The following ESR2 variants were observed in gnomAD, a reference collection of about 807,000 sequenced individuals.
ESR2 encodes the protein estrogen receptor beta.
A neutral mutation model predicts 49.6 loss-of-function variants in ESR2; 36 were observed. The observed-to-expected ratio is 0.73, with a 90% CI of 0.56 to 0.96. The LOEUF (loss-of-function observed/expected upper bound fraction) is 0.96. Among genes scored for constraint, ESR2 ranks in the 40% least tolerant of loss-of-function variants. The probability of loss-of-function intolerance (pLI) is 0.00; values close to 1 mark genes in which losing one functional copy is unlikely to be tolerated. For synonymous variants in ESR2, 320 were observed against 266.1 expected (o/e 1.20, Z -1.97); for missense variants, 714 against 693.0 (o/e 1.03, Z -0.34).
chr14:64,288,140 C>T (rs991169020), intron 1 of ESR2, among the ~76,000 whole-genome samples: 1 of 152,160 alleles, frequency 6.6e-6, no homozygotes, highest in African/African-American at 2.4e-5. Flanking sequence ...GTATTTGGCC[C>T]TCTCAGGTCA....
intron 4 of ESR2, among the ~76,000 whole-genome samples, chr14:64,262,095 T>C (rs186031454): frequency 1.1e-3 from 173 of 151,730 alleles, no homozygotes; most frequent in African/African-American, 3.9e-3. Flanking sequence ...TTTATATGCT[T>C]GTTCTTTGGA....
intron 1 of ESR2, among the ~76,000 whole-genome samples, chr14:64,313,889 A>AAAG (rs1555596277): frequency 5.9e-5 from 9 of 151,848 alleles, no homozygotes; most frequent in African/African-American, 1.7e-4. Flanking sequence ...AAAAAAAAAA[A>AAAG]AAAGAAAGAA....
intron 1 of ESR2, 110 bp from the exon 2 acceptor site, chr14:64,283,185 C>T (rs2076716286): frequency 2.2e-6 from 1 of 457,324 alleles, no homozygotes; most frequent in Non-Finnish European, 3.8e-6. Context: ...ATTACAAATA[C>T]ATCCTGAAAA....
At position 64,229,780 on chromosome 14, in the gene ESR2, A is replaced by G. The variant is rs76844784; in HGVS notation, c.*3357T>C. ...TAGCAGTTATTATAATAAGGATTAA[A>G]TGTGAATGTCTGAGGCACTGAGAAC... On this transcript the variant is annotated 3_prime_UTR_variant, in exon 9 of 9. Transcript: ENST00000341099. 0.016 allele frequency among the ~76,000 whole-genome samples: 2,404 copies of G among 152,282 alleles called. 72 individuals are homozygous for G. The highest frequency in any genetic ancestry group is 0.055 in the African/African-American group (2,299 of 41,534).
At chr14:64,242,180 C>T (rs559430257) in intron 7 of ESR2, among the ~76,000 whole-genome samples, 11 of 152,070 alleles carry the variant, frequency 7.2e-5, no homozygotes, top group Admixed American at 4.6e-4. Context: ...GAGGCCAAGG[C>T]GGGTGGATCA....
intron 4 of ESR2, among the ~76,000 whole-genome samples, chr14:64,261,981 G>C (rs1372905166): frequency 6.6e-6 from 1 of 151,852 alleles, no homozygotes; most frequent in Non-Finnish European, 1.5e-5. Flanking sequence ...TAGTTTGACT[G>C]TTTTCTCAGA....
At chr14:64,273,013 T>TG (rs34059608) in intron 3 of ESR2, among the ~76,000 whole-genome samples, 99,973 of 151,902 alleles carry the variant, frequency 0.66, 34,610 homozygotes, top group African/African-American at 0.89. Flanking sequence ...TCCATTTTTT[T>TG]TGTCCTCTTC....
intron 1 of ESR2, among the ~76,000 whole-genome samples, chr14:64,305,511 A>G (rs1219914539): frequency 1.3e-5 from 2 of 151,366 alleles, no homozygotes; most frequent in Admixed American, 6.6e-5. Flanking sequence ...TCTACTAAAA[A>G]TACAAAAAAA....
At chr14:64,326,682 C>A (rs1051813116) in intron 1 of ESR2, among the ~76,000 whole-genome samples, 2 of 152,162 alleles carry the variant, frequency 1.3e-5, no homozygotes, top group African/African-American at 4.8e-5. Context: ...ACACCTAGAT[C>A]CAAAAACAAC....
At position 64,232,704 on chromosome 14, in the gene ESR2, C is replaced by T. The variant is rs1157390788; in HGVS notation, c.*433G>A. ...GTCCGGAAAACAGCAAAGGTCAACT[C>T]TCAGAGGGAAGGGTAGTGTGTGCCA... is the stretch of plus-strand genomic sequence containing the variant. On this transcript the variant is annotated 3_prime_UTR_variant, in exon 9 of 9. Coordinates refer to ENST00000341099, the MANE Select transcript of ESR2 (RefSeq NM_001437.3). The T allele has an allele frequency of 6.2e-6, 1 of 160,954 alleles. No homozygotes were observed. Among genetic ancestry groups the T allele is most frequent in the Non-Finnish European group, 1.4e-5 (1 of 73,272 alleles). 10.0% of individuals were successfully genotyped at this position (160,954 alleles called of 1,614,324 possible). A position where few individuals can be genotyped will look rare whatever the true frequency, so the allele number is the denominator to read the frequency against.
intron 1 of ESR2, among the ~76,000 whole-genome samples, chr14:64,331,416 A>T (rs1256039277): frequency 1.3e-5 from 2 of 152,246 alleles, no homozygotes; most frequent in Non-Finnish European, 2.9e-5. Flanking sequence ...ATTTTGACAC[A>T]CTTTTCTCAA....
At chr14:64,253,308 A>C (rs2076026325) in intron 6 of ESR2, among the ~76,000 whole-genome samples, 1 of 151,790 alleles carries the variant, frequency 6.6e-6, no homozygotes, top group Non-Finnish European at 1.5e-5. Flanking sequence ...CTCCTGCCTC[A>C]GCTTCCCAAG....
chr14:64,257,505 G>T, intron 5 of ESR2, 141 bp from the exon 6 acceptor site: 1 of 1,042,140 alleles, frequency 9.6e-7, no homozygotes, highest in Non-Finnish European at 1.4e-6. Flanking sequence ...GTGATTAACT[G>T]CTCATTAAAG....
At chr14:64,242,886 A>C (rs1432503864) in intron 7 of ESR2, among the ~76,000 whole-genome samples, 1 of 152,254 alleles carries the variant, frequency 6.6e-6, no homozygotes, top group Non-Finnish European at 1.5e-5. Flanking sequence ...TGGCTGGGGA[A>C]GCCTCACAAT....
intron 1 of ESR2, among the ~76,000 whole-genome samples, chr14:64,335,192 G>T (rs1029312152): frequency 2.0e-5 from 3 of 152,170 alleles, no homozygotes; most frequent in Non-Finnish European, 4.4e-5. Context: ...AGTGATCAGG[G>T]AAGGCACACA....
chr14:64,331,548 C>T (rs946347245), intron 1 of ESR2, among the ~76,000 whole-genome samples: 3 of 152,076 alleles, frequency 2.0e-5, no homozygotes, highest in African/African-American at 4.8e-5. Context: ...CCTTTGGGGC[C>T]GGGCCCAGTG....
intron 7 of ESR2, among the ~76,000 whole-genome samples, chr14:64,240,916 G>A (rs936902037): frequency 5.3e-5 from 8 of 151,960 alleles, no homozygotes; most frequent in South Asian, 2.1e-4. Context: ...AGGCCGAGGC[G>A]GGCGGATCAC....
At chr14:64,244,054 T>A (rs901115519) in intron 7 of ESR2, among the ~76,000 whole-genome samples, 3 of 152,036 alleles carry the variant, frequency 2.0e-5, no homozygotes, top group Non-Finnish European at 2.9e-5. Context: ...GATAAAGCAT[T>A]ATTTCTGGGT....
At chr14:64,316,843 AAT>A (rs1317002680) in intron 1 of ESR2, among the ~76,000 whole-genome samples, 5 of 152,170 alleles carry the variant, frequency 3.3e-5, no homozygotes, top group Admixed American at 6.6e-5. Context: ...ACTACAGACT[AAT>A]ATACCACATG....
Sources: gnomAD v4.1 joint callset for allele counts (sites outside exome capture counted in the v4.1 genomes callset) on GRCh38, gnomAD v4.1.1 for gene constraint, MANE v1.5 for transcripts, NCBI Gene and HGNC (gene_info 2026-07-23, HGNC 2026-07-21) for gene names.